MCU: variants seen among roughly 807,000 people sequenced by gnomAD.
MCU encodes calcium uniporter protein, mitochondrial.
In MCU, 12 loss-of-function variants were observed where a neutral mutation model predicts 45.2. The ratio of observed to expected loss-of-function variants is 0.27; its 90% CI spans 0.17 to 0.43. The LOEUF (loss-of-function observed/expected upper bound fraction) is 0.43, where lower values mean the gene tolerates loss of function less well. MCU is among the 20% of genes least tolerant of loss of function. MCU has a pLI of 1.00. For missense variants in MCU, 324 were observed against 436.7 expected (o/e 0.74, Z 2.30); for synonymous variants, 160 against 165.1 (o/e 0.97, Z 0.24).
At chr10:72,869,599 C>CA (rs1222686475) in intron 5 of MCU, among the ~76,000 whole-genome samples, 3 of 151,634 alleles carry the variant, frequency 2.0e-5, no homozygotes, top group Non-Finnish European at 4.4e-5. Flanking sequence ...AACAAACAAA[C>CA]AAAAAAACAA....
At chr10:72,701,675 C>T (rs1332176940) in intron 1 of MCU, among the ~76,000 whole-genome samples, 2 of 152,044 alleles carry the variant, frequency 1.3e-5, no homozygotes, top group African/African-American at 4.8e-5. Context: ...TACAGGTACA[C>T]ACCACCACGC....
chr10:72,809,259 A>G (rs1844501833), intron 1 of MCU, among the ~76,000 whole-genome samples: 1 of 152,206 alleles, frequency 6.6e-6, no homozygotes, highest in Admixed American at 6.5e-5. Context: ...AGAAACTAAG[A>G]CTTGAGGCAG....
At chr10:72,854,625 C>G (rs1005333983) in intron 2 of MCU, among the ~76,000 whole-genome samples, 1 of 152,192 alleles carries the variant, frequency 6.6e-6, no homozygotes, top group Non-Finnish European at 1.5e-5. Context: ...AAACTATGAC[C>G]TTCAGCAGTG....
intron 6 of MCU, among the ~76,000 whole-genome samples, 180 bp downstream of exon 6, chr10:72,871,760 G>A (rs549874401): frequency 3.3e-5 from 5 of 152,316 alleles, no homozygotes; most frequent in African/African-American, 1.2e-4. Flanking sequence ...AGATGGAGAG[G>A]TAGATATAAG....
At chr10:72,807,818 T>TTCTGTTAA (rs1462741130) in intron 1 of MCU, among the ~76,000 whole-genome samples, 2 of 152,202 alleles carry the variant, frequency 1.3e-5, no homozygotes, top group Non-Finnish European at 2.9e-5. Flanking sequence ...AAATAACATA[T>TTCTGTTAA]TCTGTTAATA....
chr10:72,772,180 AG>A (rs1843819658), intron 1 of MCU, among the ~76,000 whole-genome samples: 1 of 152,244 alleles, frequency 6.6e-6, no homozygotes, highest in Admixed American at 6.5e-5. Context: ...ACTCAGTCAA[AG>A]GAAATGCCAA....
At chr10:72,822,749 A>T (rs1396385389) in intron 1 of MCU, among the ~76,000 whole-genome samples, 5 of 152,102 alleles carry the variant, frequency 3.3e-5, no homozygotes, top group Admixed American at 6.6e-5. Flanking sequence ...CCAAGGCCGG[A>T]GGATTGCTTA....
chr10:72,863,987 T>C (rs1165951420), intron 4 of MCU, among the ~76,000 whole-genome samples: 1 of 152,186 alleles, frequency 6.6e-6, no homozygotes, highest in African/African-American at 2.4e-5. Flanking sequence ...TCAAAACTTA[T>C]GCACACACTT....
intron 1 of MCU, among the ~76,000 whole-genome samples, chr10:72,767,990 G>T (rs980580023): frequency 2.0e-5 from 3 of 151,766 alleles, no homozygotes; most frequent in African/African-American, 7.3e-5. Context: ...ATATTTGAGG[G>T]AACATAGAAA....
intron 1 of MCU, among the ~76,000 whole-genome samples, chr10:72,727,688 T>C (rs1843119188): frequency 6.6e-6 from 1 of 152,178 alleles, no homozygotes; most frequent in South Asian, 2.1e-4. Context: ...GAGTGCCTCT[T>C]GTATGGGAAG....
At chr10:72,796,892 C>G (rs1385216093) in intron 1 of MCU, among the ~76,000 whole-genome samples, 1 of 151,966 alleles carries the variant, frequency 6.6e-6, no homozygotes, top group African/African-American at 2.4e-5. Flanking sequence ...GGTGGAATGA[C>G]TTTATTTTCT....
At chr10:72,854,780 A>T (rs1801273447) in intron 2 of MCU, among the ~76,000 whole-genome samples, 1 of 152,212 alleles carries the variant, frequency 6.6e-6, no homozygotes, top group African/African-American at 2.4e-5. Context: ...TTGTTGGAAC[A>T]CAGCCATGCC....
At chr10:72,860,309 C>T in intron 3 of MCU, 114 bp from the exon 4 acceptor site, 1 of 850,200 alleles carries the variant, frequency 1.2e-6, no homozygotes, top group Non-Finnish European at 1.8e-6. Flanking sequence ...AAAAAGTTAA[C>T]TGAAATTTTA....
intron 1 of MCU, among the ~76,000 whole-genome samples, chr10:72,734,219 C>G (rs548721905): frequency 2.0e-5 from 3 of 152,172 alleles, no homozygotes; most frequent in South Asian, 4.2e-4. Context: ...GCACTCCTGC[C>G]TGGGTGATGG....
At chr10:72,747,234 A>G (rs1441797282) in intron 1 of MCU, among the ~76,000 whole-genome samples, 1 of 152,218 alleles carries the variant, frequency 6.6e-6, no homozygotes, top group African/African-American at 2.4e-5. Flanking sequence ...TTGTTTGCAG[A>G]TATTTCAGGG....
chr10:72,815,252 T>A (rs983256957), intron 1 of MCU, among the ~76,000 whole-genome samples: 1 of 152,228 alleles, frequency 6.6e-6, no homozygotes, highest in Non-Finnish European at 1.5e-5. Flanking sequence ...AAACTTTTAT[T>A]TACAAAAACA....
chr10:72,760,972 A>G (rs535378026), intron 1 of MCU, among the ~76,000 whole-genome samples: 1 of 152,232 alleles, frequency 6.6e-6, no homozygotes, highest in Admixed American at 6.5e-5. Context: ...TTATGTCCTG[A>G]TACCTTCTGT....
At chr10:72,802,681 C>T (rs2132784224) in intron 1 of MCU, among the ~76,000 whole-genome samples, 1 of 152,278 alleles carries the variant, frequency 6.6e-6, no homozygotes, top group South Asian at 2.1e-4. Context: ...CTTTAAAAGG[C>T]AAATAGAACA....
At chr10:72,752,151 CTTTA>C (rs1422564376) in intron 1 of MCU, among the ~76,000 whole-genome samples, 1 of 151,790 alleles carries the variant, frequency 6.6e-6, no homozygotes, top group Non-Finnish European at 1.5e-5. Context: ...ACATTTATAT[CTTTA>C]ATTCATTTGT....
Sources: allele counts gnomAD v4.1 joint callset (sites outside exome capture counted in the v4.1 genomes callset), GRCh38; gene constraint gnomAD v4.1.1; transcripts MANE v1.5; gene names NCBI Gene and HGNC (gene_info 2026-07-23, HGNC 2026-07-21).